Variants in COL6A5 observed in about 807,000 individuals in gnomAD.
The protein encoded by COL6A5 is collagen type VI alpha 5 chain.
A neutral mutation model predicts 65.6 loss-of-function variants in COL6A5; 48 were observed. That is an observed-to-expected ratio of 0.73 (90% CI 0.58 to 0.93). The LOEUF (loss-of-function observed/expected upper bound fraction) is 0.93. Among genes scored for constraint, COL6A5 ranks in the 40% least tolerant of loss-of-function variants. COL6A5 has a pLI of 0.00. For synonymous variants in COL6A5, 291 were observed against 322.8 expected (o/e 0.90, Z 1.05); for missense variants, 914 against 928.3 (o/e 0.98, Z 0.20).
chr3:130,396,619 A>C (rs1007941418), intron 8 of COL6A5, among the ~76,000 whole-genome samples: 2 of 152,250 alleles, frequency 1.3e-5, no homozygotes, highest in Non-Finnish European at 2.9e-5. Flanking sequence ...AAATGTTGAC[A>C]TCAGGCTCCT....
chr3:130,449,625 C>T (rs1356814274), intron 4 of COL6A5, among the ~76,000 whole-genome samples: 1 of 152,066 alleles, frequency 6.6e-6, no homozygotes, highest in East Asian at 1.9e-4. Context: ...TCTACTAGGC[C>T]CTCAGACTTT....
In COL6A5 at chr3:130,415,699, G is replaced by A. The variant is rs1426453037; in HGVS notation, c.4816G>A (p.Gly1606Arg). The A allele has an allele frequency of 4.5e-6, 7 of 1,547,980 alleles. No individual in the cohort carries two copies. The South Asian group carries it at 8.4e-5, about 19-fold the overall frequency. The stretch of plus-strand genomic sequence containing the variant: ...AGAAAAAGGAAGCCAGGGGCAGAAA[G>A]GACCTCAGGTGAGTGACTCGGAGAC... The change falls in exon 23 of 42, where the codon GGA becomes AGA. Residue 1606 changes from glycine (G) to arginine (R), a missense_variant and NMD_transcript_variant. Transcript: ENST00000312481.
chr3:130,459,511 T>A (rs1709655619), intron 5 of COL6A5, among the ~76,000 whole-genome samples: 2 of 152,078 alleles, frequency 1.3e-5, no homozygotes, highest in African/African-American at 4.8e-5. Flanking sequence ...TGGAGGACAC[T>A]ACTGGCATCT....
At chr3:130,454,483 CAA>C (rs1161026960) in intron 4 of COL6A5, among the ~76,000 whole-genome samples, 1 of 152,150 alleles carries the variant, frequency 6.6e-6, no homozygotes, top group African/African-American at 2.4e-5. Flanking sequence ...CATTAACTCT[CAA>C]CAGTTAAAAT....
intron 1 of COL6A5, among the ~76,000 whole-genome samples, chr3:130,355,075 C>A (rs1417700443): frequency 6.6e-6 from 1 of 151,236 alleles, no homozygotes; most frequent in Non-Finnish European, 1.5e-5. Flanking sequence ...TGTTAATGTG[C>A]TACCAAAAAA....
rs144340658 is a variant in COL6A5, at chr3:130,392,891, G to T, written c.2992+1137G>T. Among the ~76,000 whole-genome samples the T allele has an allele frequency of 1.6e-4, 24 of 152,194 alleles. No individual in the cohort carries two copies. The East Asian group carries it at 4.3e-3, about 27-fold the overall frequency. On this transcript the variant is annotated intron_variant and NMD_transcript_variant, in intron 7 of 41. Coordinates refer to the COL6A5 transcript ENST00000312481. ...ATCATCTTTATCCAAGGAAAATTAT[G>T]ATTTTTCCCAAGGCAGCAGGACCAC...
chr3:130,376,641 C>A (rs1163798994), exon 3 of COL6A5: 1 of 1,612,560 alleles, frequency 6.2e-7, no homozygotes, highest in Non-Finnish European at 8.5e-7. Flanking sequence ...GAAAGCCCTG[C>A]AGAAAGACGG....
chr3:130,459,229 C>T (rs1472325418), intron 5 of COL6A5, among the ~76,000 whole-genome samples: 1 of 152,114 alleles, frequency 6.6e-6, no homozygotes, highest in Non-Finnish European at 1.5e-5. Context: ...AGAAGCAACA[C>T]TTGAGCCTTC....
rs566190767 is a variant in COL6A5, at chr3:130,447,887, T to C, written c.1332+4321T>C. ...ACACTGTAATGGCCTTAGGAATGGG[T>C]TGATCCTTGGTTAATTTAGGAACCA... On this transcript the variant is annotated intron_variant, in intron 4 of 7. Coordinates refer to ENST00000512836, the Ensembl canonical transcript of COL6A5. 3.9e-5 allele frequency among the ~76,000 whole-genome samples: 6 copies of C among 152,246 alleles called. No homozygotes were observed. The South Asian group carries it at 1.2e-3, about 32-fold the overall frequency.
At chr3:130,389,101 A>G (rs1475180978) in exon 6 of COL6A5, 1 of 1,447,986 alleles carries the variant, frequency 6.9e-7, no homozygotes, top group East Asian at 2.5e-5. Context: ...GGCACTAGAA[A>G]GGAAACTTAT....
intron 7 of COL6A5, among the ~76,000 whole-genome samples, chr3:130,394,577 A>G (rs572829983): frequency 3.9e-5 from 6 of 152,282 alleles, no homozygotes; most frequent in South Asian, 4.1e-4. Context: ...AGGGACGTCT[A>G]CCCTTTATAA....
exon 5 of COL6A5, chr3:130,385,344 G>A (rs773976201): frequency 5.5e-5 from 86 of 1,550,066 alleles, no homozygotes; most frequent in East Asian, 2.0e-4. Flanking sequence ...GAAGTCGTTC[G>A]TGAAATCTGC....
intron 1 of COL6A5, among the ~76,000 whole-genome samples, chr3:130,358,478 G>A (rs1935000127): frequency 6.6e-6 from 1 of 152,160 alleles, no homozygotes; most frequent in African/African-American, 2.4e-5. Context: ...ATCTAGGACT[G>A]TGTATATTCA....
chr3:130,451,631 G>A (rs539248393), intron 4 of COL6A5, among the ~76,000 whole-genome samples: 1 of 151,920 alleles, frequency 6.6e-6, no homozygotes, highest in African/African-American at 2.4e-5. Flanking sequence ...TGGGCTGTGT[G>A]AGTCGGGGCT....
intron 28 of COL6A5, 35 bp from the exon 29 acceptor site, chr3:130,423,803 T>C (rs1937556422): frequency 2.0e-6 from 3 of 1,504,742 alleles, no homozygotes; most frequent in African/African-American, 2.8e-5. Flanking sequence ...ATAGACAGTG[T>C]TGAAACTAAT....
intron 1 of COL6A5, among the ~76,000 whole-genome samples, chr3:130,356,560 T>G (rs1934933438): frequency 6.6e-6 from 1 of 150,816 alleles, no homozygotes; most frequent in Non-Finnish European, 1.5e-5. Context: ...TGCACCGACC[T>G]AATATATACT....
intron 1 of COL6A5, among the ~76,000 whole-genome samples, chr3:130,364,168 A>AT (rs1246495412): frequency 1.3e-5 from 2 of 152,118 alleles, no homozygotes; most frequent in African/African-American, 2.4e-5. Context: ...TATATTTGTG[A>AT]TTTTTTTCTC....
intron 1 of COL6A5, among the ~76,000 whole-genome samples, chr3:130,372,411 A>G (rs1028126072): frequency 6.6e-6 from 1 of 152,042 alleles, no homozygotes; most frequent in Admixed American, 6.6e-5. Context: ...AAACAACCCA[A>G]ATGTTCATCA....
At chr3:130,472,832 C>CACATATAT (rs1553760928) in intron 7 of COL6A5, among the ~76,000 whole-genome samples, 25 of 99,392 alleles carry the variant, frequency 2.5e-4, no homozygotes, top group African/African-American at 9.8e-4. Flanking sequence ...TGTGTGTATA[C>CACATATAT]ATATATATAT....
Sources: gnomAD v4.1 joint callset for allele counts (sites outside exome capture counted in the v4.1 genomes callset) on GRCh38, gnomAD v4.1.1 for gene constraint, MANE v1.5 for transcripts, NCBI Gene and HGNC (gene_info 2026-07-23, HGNC 2026-07-21) for gene names.